Variants in PLCZ1 observed in about 807,000 individuals in gnomAD.
PLCZ1 encodes the protein 1-phosphatidylinositol 4,5-bisphosphate phosphodiesterase zeta-1.
Under a neutral mutation model 76.8 loss-of-function variants are expected in PLCZ1, and 64 were observed. The observed-to-expected ratio is 0.83, with a 90% CI of 0.68 to 1.03. The LOEUF is 1.03. PLCZ1 is among the 50% of genes least tolerant of loss of function. The pLI is 0.00. For missense variants in PLCZ1, 751 were observed against 713.7 expected, an observed-to-expected ratio of 1.05 and a Z score of -0.60; for synonymous variants, 248 against 230.8, an observed-to-expected ratio of 1.07 and a Z score of -0.68.
intron 12 of PLCZ1, chr12:18,693,795 C>T (rs1238302050): frequency 9.9e-6 from 15 of 1,513,756 alleles, no homozygotes; most frequent in Admixed American, 1.7e-5. Context: ...TTGGATCCAG[C>T]GCTTATCAGA....
chr12:18,723,572 T>C (rs1275988644), intron 3 of PLCZ1, 30 bp from the exon 4 acceptor site: 1 of 1,513,688 alleles, frequency 6.6e-7, no homozygotes, highest in Non-Finnish European at 9.2e-7. Context: ...TGGGCTCACA[T>C]TGTGAGTATA....
rs143949392 is a variant in PLCZ1, at chr12:18,701,704, A to T, written c.937T>A (p.Ser313Thr). The change falls in exon 8 of 15, where the codon TCT becomes ACT. Residue 313 changes from serine to threonine, a missense_variant. Physicochemically the swap from Ser to Thr is moderately conservative, Grantham distance 58. Transcript: ENST00000266505. ...TLKETHERKG[S>T]DKRGDNQDKE... is the part of the protein sequence containing the mutation. ...TCCTCCACCTTACCACGCTTATCAGAACCTTTTCTTTCATGGGTTTCCTTT... is the reference window on the plus strand; with the variant it reads ...TCCTCCACCTTACCACGCTTATCAGTACCTTTTCTTTCATGGGTTTCCTTT... 684 of 1,612,886 alleles carry T rather than the reference A, an allele frequency of 4.2e-4. No individual in the cohort carries two copies. The highest frequency in any genetic ancestry group is 5.5e-4 in the Non-Finnish European group (647 of 1,179,808).
At chr12:18,708,164 T>C (rs563229843) in intron 6 of PLCZ1, among the ~76,000 whole-genome samples, 1 of 152,312 alleles carries the variant, frequency 6.6e-6, no homozygotes, top group South Asian at 2.1e-4. Flanking sequence ...CCTTTCTCCA[T>C]TTTCTTCTCC....
chr12:18,687,841 A>C (rs1953394805), intron 13 of PLCZ1, among the ~76,000 whole-genome samples: 1 of 152,038 alleles, frequency 6.6e-6, no homozygotes, highest in Non-Finnish European at 1.5e-5. Context: ...AAAAGAGGTA[A>C]ATTTTTTTTA....
chr12:18,695,479 G>C (rs188843889), intron 11 of PLCZ1, among the ~76,000 whole-genome samples: 2 of 152,244 alleles, frequency 1.3e-5, no homozygotes, highest in Admixed American at 6.5e-5. Context: ...GTTGTCACTT[G>C]AGGAGAAAGT....
intron 7 of PLCZ1, 137 bp from the exon 8 acceptor site, chr12:18,701,913 C>T: frequency 8.0e-7 from 1 of 1,252,080 alleles, no homozygotes; most frequent in Non-Finnish European, 1.1e-6. Flanking sequence ...TTTTCCCATA[C>T]CCCTATTCAC....
At chr12:18,688,014 T>C (rs1953425858) in intron 13 of PLCZ1, 75 bp downstream of exon 13, 10 of 1,569,078 alleles carry the variant, frequency 6.4e-6, no homozygotes, top group Non-Finnish European at 8.7e-6. Flanking sequence ...GTACAAAAAC[T>C]CTATCAACAT....
At chr12:18,719,181 C>A (rs1404418948) in intron 5 of PLCZ1, among the ~76,000 whole-genome samples, 1 of 152,060 alleles carries the variant, frequency 6.6e-6, no homozygotes, top group South Asian at 2.1e-4. Context: ...GGGCCATAAC[C>A]ATGGAGAGGA....
At position 18,719,493 on chromosome 12, in the gene PLCZ1, T is replaced by G; in HGVS notation, c.507A>C (p.Ser169=). Residue 169 remains serine, a synonymous_variant, in exon 5 of 15, where the codon TCA becomes TCC. Coordinates refer to ENST00000266505, the MANE Select transcript of PLCZ1 (RefSeq NM_033123.4). ...GATCAGATACCAAATATGTGTTATG[T>G]GAAGATGAAATAAAATAATCATTTA... ...HPLNDYFISS[S]HNTYLVSDQL... The G allele has an allele frequency of 6.3e-7, 1 of 1,589,310 alleles. No homozygotes were observed. The highest frequency in any genetic ancestry group is 1.2e-5 in the South Asian group (1 of 86,270).
intron 6 of PLCZ1, among the ~76,000 whole-genome samples, chr12:18,711,328 G>C (rs1047721978): frequency 7.7e-6 from 1 of 130,602 alleles, no homozygotes; most frequent in South Asian, 2.5e-4. Context: ...GGTGGGAATT[G>C]AACAATGAGA....
chr12:18,720,573 G>A (rs1254170006), intron 4 of PLCZ1, among the ~76,000 whole-genome samples: 1 of 151,644 alleles, frequency 6.6e-6, no homozygotes, highest in Non-Finnish European at 1.5e-5. Context: ...TCTGTGGAAT[G>A]GGGGTAATAA....
At chr12:18,701,804 T>C in intron 7 of PLCZ1, 28 bp from the exon 8 acceptor site, 1 of 1,574,486 alleles carries the variant, frequency 6.4e-7, no homozygotes, top group Non-Finnish European at 8.6e-7. Flanking sequence ...GAGATACAAT[T>C]ACACATTTAC....
chr12:18,736,273 A>G lies in PLCZ1; in HGVS notation c.83T>C (p.Leu28Pro). Residue 28 changes from leucine (L) to proline (P), a missense_variant, in exon 3 of 15, where the codon CTT becomes CCT. Transcript: ENST00000266505. The part of the protein sequence containing the change: ...KINLEKTQRL[L>P]EKLDIRCSYI... ...ACTGCACCGAATATCTAATTTTTCA[A>G]GTAACCTCTGAGTTTTTTCTAGGTT... 1.9e-6 allele frequency: 3 copies of G among 1,612,898 alleles called. No individual in the cohort carries two copies. Among genetic ancestry groups the G allele is most frequent in the Non-Finnish European group, 2.5e-6 (3 of 1,179,260 alleles).
intron 3 of PLCZ1, among the ~76,000 whole-genome samples, chr12:18,725,646 T>A (rs1162720630): frequency 1.3e-5 from 2 of 152,112 alleles, no homozygotes; most frequent in African/African-American, 2.4e-5. Flanking sequence ...TCCAAGGCCA[T>A]CTAAAATGTC....
intron 13 of PLCZ1, among the ~76,000 whole-genome samples, chr12:18,686,338 G>T (rs1163502907): frequency 1.3e-5 from 2 of 151,958 alleles, no homozygotes; most frequent in Non-Finnish European, 2.9e-5. Flanking sequence ...CTAGAAAAAA[G>T]AAAGTTCCTG....
the PLCZ1 span, chr12:18,648,052 A>G: frequency 1.2e-5 from 18 of 1,473,570 alleles, no homozygotes; most frequent in Admixed American, 6.1e-5. Context: ...CATATGCATT[A>G]TTCATTAACT....
the PLCZ1 span, among the ~76,000 whole-genome samples, chr12:18,646,686 C>T: frequency 3.9e-5 from 6 of 152,114 alleles, no homozygotes; most frequent in African/African-American, 1.4e-4. Flanking sequence ...CTGTAAAAAG[C>T]AGGCAAGTTT....
the PLCZ1 span, among the ~76,000 whole-genome samples, chr12:18,650,401 ATT>A: frequency 1.4e-4 from 19 of 136,526 alleles, no homozygotes; most frequent in African/African-American, 4.1e-4. Flanking sequence ...ATACACACAC[ATT>A]TTTTTTTTAA....
chr12:18,725,405 T>G (rs1181302719), intron 3 of PLCZ1, among the ~76,000 whole-genome samples: 1 of 151,994 alleles, frequency 6.6e-6, no homozygotes, highest in Non-Finnish European at 1.5e-5. Context: ...CACAAAAATC[T>G]TAGGTAAATT....
Sources: gnomAD v4.1 joint callset for allele counts (sites outside exome capture counted in the v4.1 genomes callset) on GRCh38, gnomAD v4.1.1 for gene constraint, MANE v1.5 for transcripts, NCBI Gene and HGNC (gene_info 2026-07-23, HGNC 2026-07-21) for gene names.